Variants in SCYL2 observed in about 807,000 individuals in gnomAD.
The protein encoded by SCYL2 is SCY1 like pseudokinase 2, also known as SCY1-like protein 2.
In SCYL2, 36 loss-of-function variants were observed where a neutral mutation model predicts 100.4. That is an observed-to-expected ratio of 0.36 (90% CI 0.27 to 0.47). The LOEUF is 0.47. Ranked by LOEUF, SCYL2 falls within the 20% of genes least tolerant of loss-of-function variation. The probability of loss-of-function intolerance (pLI) is 1.00; values close to 1 mark genes in which losing one functional copy is unlikely to be tolerated. For missense variants in SCYL2, 902 were observed against 1,083.9 expected (o/e 0.83, Z 2.36); for synonymous variants, 330 against 359.2 (o/e 0.92, Z 0.92).
intron 1 of SCYL2, among the ~76,000 whole-genome samples, chr12:100,281,017 G>GTGTTTTGTTTTT (rs1356176611): frequency 1.1e-5 from 1 of 91,694 alleles, no homozygotes; most frequent in African/African-American, 4.5e-5. Context: ...TTTACCATCA[G>GTGTTTTGTTTTT]TGTTTTTTTT....
intron 13 of SCYL2, among the ~76,000 whole-genome samples, chr12:100,330,188 T>C (rs1302069709): frequency 6.6e-6 from 1 of 152,164 alleles, no homozygotes; most frequent in Admixed American, 6.5e-5. Context: ...GATTGGCAGA[T>C]ATATATAATA....
chr12:100,278,880 A>G (rs963633267), intron 1 of SCYL2, among the ~76,000 whole-genome samples: 16 of 152,120 alleles, frequency 1.1e-4, no homozygotes, highest in African/African-American at 3.6e-4. Context: ...TGCCTACCTC[A>G]GCCTCCCAAA....
At chr12:100,300,115 T>A (rs1259312149) in intron 4 of SCYL2, among the ~76,000 whole-genome samples, 1 of 152,240 alleles carries the variant, frequency 6.6e-6, no homozygotes, top group African/African-American at 2.4e-5. Context: ...TCAATAATGA[T>A]AGCGAGCATC....
chr12:100,326,842 T>C, intron 12 of SCYL2, 88 bp downstream of exon 12: 1 of 1,054,936 alleles, frequency 9.5e-7, no homozygotes, highest in South Asian at 1.6e-5. Flanking sequence ...TCCTTTCGTG[T>C]ATATAGCATT....
intron 17 of SCYL2, among the ~76,000 whole-genome samples, chr12:100,337,950 T>C (rs76316877): frequency 0.057 from 8,744 of 152,290 alleles, 399 homozygotes; most frequent in Admixed American, 0.11. Context: ...TTCCAGGCAC[T>C]GTTCCAGGTA....
intron 4 of SCYL2, among the ~76,000 whole-genome samples, chr12:100,302,211 T>G (rs1189781309): frequency 6.6e-6 from 1 of 152,184 alleles, no homozygotes; most frequent in East Asian, 1.9e-4. Flanking sequence ...CCAGCTACAT[T>G]GCCTGGGGTT....
chr12:100,294,302 G>A, intron 3 of SCYL2, among the ~76,000 whole-genome samples: 4 of 125,270 alleles, frequency 3.2e-5, no homozygotes, highest in African/African-American at 6.0e-5. Context: ...GCCGGGCAGA[G>A]GGGCTCCTCA....
intron 3 of SCYL2, among the ~76,000 whole-genome samples, chr12:100,294,444 C>G (rs1274951677): frequency 8.8e-6 from 1 of 113,622 alleles, no homozygotes; most frequent in African/African-American, 3.5e-5. Context: ...TCCTCACTTC[C>G]CAGTAGGGGC....
At chr12:100,282,822 A>C in intron 1 of SCYL2, 121 bp from the exon 2 acceptor site, 1 of 429,020 alleles carries the variant, frequency 2.3e-6, no homozygotes, top group East Asian at 3.6e-5. Flanking sequence ...TACAACTTTC[A>C]TCTATATAGG....
At chr12:100,291,724 T>C in intron 3 of SCYL2, 64 bp downstream of exon 3, 1 of 1,437,052 alleles carries the variant, frequency 7.0e-7, no homozygotes, top group Non-Finnish European at 9.4e-7. Context: ...TAATTTTATA[T>C]TTGAAATCTG....
chr12:100,315,524 TA>T (rs2096347467), intron 8 of SCYL2, 33 bp from the exon 9 acceptor site: 2 of 1,547,770 alleles, frequency 1.3e-6, no homozygotes, highest in Non-Finnish European at 1.7e-6. Context: ...TAATAAATTT[TA>T]TTTTTTTTTT....
At chr12:100,309,106 TTGTGTGTGTG>T (rs143410251) in intron 4 of SCYL2, among the ~76,000 whole-genome samples, 5 of 148,064 alleles carry the variant, frequency 3.4e-5, no homozygotes, top group East Asian at 2.0e-4. Context: ...GTATTTTGAT[TTGTGTGTGTG>T]TGTGTGTGTG....
At chr12:100,315,428 C>A in intron 8 of SCYL2, 130 bp from the exon 9 acceptor site, 1 of 659,456 alleles carries the variant, frequency 1.5e-6, no homozygotes, top group South Asian at 3.5e-5. Flanking sequence ...TGAAAATATA[C>A]CAGTTTCAAC....
intron 4 of SCYL2, among the ~76,000 whole-genome samples, chr12:100,306,231 G>T (rs1405063337): frequency 6.6e-6 from 1 of 152,156 alleles, no homozygotes; most frequent in African/African-American, 2.4e-5. Context: ...TATCCCTGAT[G>T]AACACTGATG....
intron 3 of SCYL2, among the ~76,000 whole-genome samples, chr12:100,294,446 A>C (rs1330609870): frequency 1.5e-5 from 1 of 67,480 alleles, no homozygotes; most frequent in Non-Finnish European, 2.9e-5. Context: ...CTCACTTCCC[A>C]GTAGGGGCGG....
intron 7 of SCYL2, 40 bp from the exon 8 acceptor site, chr12:100,314,449 T>C (rs779844297): frequency 5.5e-6 from 8 of 1,461,890 alleles, no homozygotes; most frequent in Admixed American, 1.9e-5. Context: ...GTACTTTCAA[T>C]TTAACATTTA....
intron 2 of SCYL2, among the ~76,000 whole-genome samples, chr12:100,285,849 G>A (rs2096303935): frequency 6.6e-6 from 1 of 151,922 alleles, no homozygotes; most frequent in Non-Finnish European, 1.5e-5. Flanking sequence ...TATTTCTGAG[G>A]CAAATGCTCT....
intron 4 of SCYL2, among the ~76,000 whole-genome samples, chr12:100,302,068 A>G (rs536973919): frequency 4.1e-4 from 62 of 152,270 alleles, no homozygotes; most frequent in Middle Eastern, 3.4e-3. Flanking sequence ...GCTAGGGTCT[A>G]GATTGGGGCC....
intron 4 of SCYL2, among the ~76,000 whole-genome samples, chr12:100,302,150 C>T (rs1459329537): frequency 6.6e-6 from 1 of 152,144 alleles, no homozygotes; most frequent in Non-Finnish European, 1.5e-5. Context: ...GTCCTTTTTA[C>T]ACTTCACTCT....
Sources: gnomAD v4.1 joint callset for allele counts (sites outside exome capture counted in the v4.1 genomes callset) on GRCh38, gnomAD v4.1.1 for gene constraint, MANE v1.5 for transcripts, NCBI Gene and HGNC (gene_info 2026-07-23, HGNC 2026-07-21) for gene names.